ASAP1: variants seen among roughly 807,000 people sequenced by gnomAD.
The protein encoded by ASAP1 is arf-GAP with SH3 domain, ANK repeat and PH domain-containing protein 1.
A neutral mutation model predicts 145.2 loss-of-function variants in ASAP1; 43 were observed. The ratio of observed to expected loss-of-function variants is 0.30; its 90% CI spans 0.23 to 0.38. The LOEUF (loss-of-function observed/expected upper bound fraction) is 0.38. Among genes scored for constraint, ASAP1 ranks in the 10% least tolerant of loss-of-function variants. The probability of loss-of-function intolerance (pLI) is 1.00; values close to 1 mark genes in which losing one functional copy is unlikely to be tolerated. For synonymous variants in ASAP1, 546 were observed against 515.5 expected, an observed-to-expected ratio of 1.06 and a Z score of -0.80; for missense variants, 1,018 against 1,355.3, an observed-to-expected ratio of 0.75 and a Z score of 3.91.
intron 3 of ASAP1, among the ~76,000 whole-genome samples, chr8:130,268,278 G>T (rs1490220083): frequency 6.6e-6 from 1 of 152,062 alleles, no homozygotes; most frequent in African/African-American, 2.4e-5. Flanking sequence ...TTGAGCCCAG[G>T]AGCTCGAGAC....
At chr8:130,066,502 T>A (rs1216024843) in intron 27 of ASAP1, among the ~76,000 whole-genome samples, 2 of 152,158 alleles carry the variant, frequency 1.3e-5, no homozygotes, top group Non-Finnish European at 2.9e-5. Flanking sequence ...TGAGCCACAA[T>A]ACCTGGCCTA....
At chr8:130,139,485 G>A (rs2097604346) in intron 13 of ASAP1, among the ~76,000 whole-genome samples, 1 of 152,180 alleles carries the variant, frequency 6.6e-6, no homozygotes, top group South Asian at 2.1e-4. Context: ...CAGCACTTTG[G>A]GAGGCTGAGG....
intron 11 of ASAP1, among the ~76,000 whole-genome samples, chr8:130,162,258 A>G (rs1232859228): frequency 6.6e-6 from 1 of 152,182 alleles, no homozygotes; most frequent in Non-Finnish European, 1.5e-5. Flanking sequence ...TTCCCCTACC[A>G]ATACCTCCAG....
At chr8:130,349,320 A>C (rs1312458955) in intron 3 of ASAP1, among the ~76,000 whole-genome samples, 1 of 152,216 alleles carries the variant, frequency 6.6e-6, no homozygotes, top group Non-Finnish European at 1.5e-5. Flanking sequence ...ATCTGACCTC[A>C]TCACTGACCC....
intron 14 of ASAP1, 136 bp from the exon 15 acceptor site, chr8:130,134,480 T>C: frequency 2.0e-6 from 1 of 489,780 alleles, no homozygotes. Flanking sequence ...CGCCATTATG[T>C]GCCAGGTGCC....
chr8:130,284,877 A>ACACACC (rs1565171540), intron 3 of ASAP1, among the ~76,000 whole-genome samples: 3 of 147,426 alleles, frequency 2.0e-5, no homozygotes, highest in Non-Finnish European at 4.5e-5. Context: ...ACACACACAC[A>ACACACC]CACCATACTG....
At chr8:130,350,602 A>T (rs1825940627) in intron 3 of ASAP1, among the ~76,000 whole-genome samples, 1 of 152,260 alleles carries the variant, frequency 6.6e-6, no homozygotes, top group Non-Finnish European at 1.5e-5. Context: ...ATTTGGCATG[A>T]GAGTTATGCC....
intron 13 of ASAP1, among the ~76,000 whole-genome samples, chr8:130,141,022 G>T (rs2097609598): frequency 6.6e-6 from 1 of 152,144 alleles, no homozygotes; most frequent in Non-Finnish European, 1.5e-5. Context: ...TAATTTATAG[G>T]TATATTGATT....
At chr8:130,084,441 G>A (rs994505453) in intron 25 of ASAP1, 30 of 152,236 alleles carry the variant, frequency 2.0e-4, no homozygotes, top group African/African-American at 7.2e-4. Flanking sequence ...ACAGATGTGT[G>A]TAAGAGAAAG....
intron 3 of ASAP1, among the ~76,000 whole-genome samples, chr8:130,250,869 A>G (rs766111544): frequency 2.6e-5 from 4 of 152,214 alleles, no homozygotes; most frequent in South Asian, 2.1e-4. Flanking sequence ...TAATCTGTTT[A>G]CCATTTGTAA....
chr8:130,128,207 A>G (rs1472406991), intron 15 of ASAP1, 117 bp from the exon 16 acceptor site: 2 of 680,414 alleles, frequency 2.9e-6, no homozygotes, highest in South Asian at 8.9e-5. Context: ...AAGTAATTCC[A>G]AAAGAGAAGC....
intron 2 of ASAP1, among the ~76,000 whole-genome samples, chr8:130,367,539 G>A (rs1827014323): frequency 1.3e-5 from 2 of 152,178 alleles, no homozygotes; most frequent in Admixed American, 6.5e-5. Context: ...GACATGGAAT[G>A]CCAGGGAGGT....
intron 3 of ASAP1, among the ~76,000 whole-genome samples, chr8:130,292,624 A>T (rs1014225878): frequency 6.6e-6 from 1 of 152,180 alleles, no homozygotes; most frequent in African/African-American, 2.4e-5. Context: ...ATTATTCTCT[A>T]CTATAATTGT....
chr8:130,124,142 CTCTTTGCTACTAGT>C (rs755208614), intron 17 of ASAP1, 38 bp from the exon 18 acceptor site: 3 of 1,324,796 alleles, frequency 2.3e-6, no homozygotes, highest in Non-Finnish European at 2.1e-6. Context: ...ATATAGCAAA[CTCTTTGCTACTAGT>C]TAAAAGTCTC....
intron 1 of ASAP1, among the ~76,000 whole-genome samples, chr8:130,406,255 T>TTCATTCA (rs67529812): frequency 0.32 from 49,234 of 151,734 alleles, 8,709 homozygotes; most frequent in African/African-American, 0.46. Context: ...CTAATATTCA[T>TTCATTCA]TCATTCATTC....
intron 1 of ASAP1, among the ~76,000 whole-genome samples, chr8:130,402,785 G>T (rs893144133): frequency 6.6e-6 from 1 of 151,954 alleles, no homozygotes; most frequent in Non-Finnish European, 1.5e-5. Flanking sequence ...CACCTCCACT[G>T]GTCCAGCTCT....
At chr8:130,272,784 T>C (rs1196346902) in intron 3 of ASAP1, among the ~76,000 whole-genome samples, 1 of 152,132 alleles carries the variant, frequency 6.6e-6, no homozygotes, top group Non-Finnish European at 1.5e-5. Flanking sequence ...CACTCATATG[T>C]GGGAGCTAAA....
At chr8:130,152,907 CA>C in intron 12 of ASAP1, 102 bp from the exon 13 acceptor site, 2 of 921,914 alleles carry the variant, frequency 2.2e-6, no homozygotes, top group Non-Finnish European at 3.0e-6. Flanking sequence ...ATAACTTCCC[CA>C]AACCAAAAAA....
intron 27 of ASAP1, among the ~76,000 whole-genome samples, chr8:130,074,828 T>C (rs931429715): frequency 3.3e-5 from 5 of 152,124 alleles, no homozygotes; most frequent in Non-Finnish European, 7.4e-5. Context: ...CAGATGACCA[T>C]GTGAGGTCAG....
Sources: gnomAD v4.1 joint callset for allele counts (sites outside exome capture counted in the v4.1 genomes callset) on GRCh38, gnomAD v4.1.1 for gene constraint, MANE v1.5 for transcripts, NCBI Gene and HGNC (gene_info 2026-07-23, HGNC 2026-07-21) for gene names.